Variants in AQR observed in about 807,000 individuals in gnomAD.
AQR encodes aquarius intron-binding spliceosomal factor.
Under a neutral mutation model 180.5 loss-of-function variants are expected in AQR, and 61 were observed. The ratio of observed to expected loss-of-function variants is 0.34; its 90% CI spans 0.28 to 0.42. The LOEUF is 0.42. Among genes scored for constraint, AQR ranks in the 10% least tolerant of loss-of-function variants. The pLI is 1.00. For missense variants in AQR, 1,281 were observed against 1,798.3 expected (o/e 0.71, Z 5.20); for synonymous variants, 551 against 588.8 (o/e 0.94, Z 0.93).
intron 22 of AQR, among the ~76,000 whole-genome samples, chr15:34,896,293 T>C (rs143938360): frequency 2.9e-4 from 44 of 152,332 alleles, no homozygotes; most frequent in African/African-American, 8.9e-4. Context: ...ACACAATGTA[T>C]ACAGTCATCA....
At chr15:34,933,345 T>C (rs1383752277) in intron 10 of AQR, among the ~76,000 whole-genome samples, 1 of 152,188 alleles carries the variant, frequency 6.6e-6, no homozygotes, top group Non-Finnish European at 1.5e-5. Context: ...AGGAACAGAT[T>C]TTCTTTCAAT....
intron 32 of AQR, 180 bp from the exon 33 acceptor site, chr15:34,863,221 TA>T (rs1182673998): frequency 8.4e-5 from 46 of 550,588 alleles, no homozygotes; most frequent in Non-Finnish European, 1.3e-4. Flanking sequence ...AAGTAAAAGT[TA>T]AGGCTTTATT....
intron 19 of AQR, among the ~76,000 whole-genome samples, chr15:34,902,924 C>G (rs1307360979): frequency 6.6e-6 from 1 of 152,038 alleles, no homozygotes; most frequent in Non-Finnish European, 1.5e-5. Flanking sequence ...TCATTGCTTT[C>G]TAATGAAGAA....
intron 32 of AQR, among the ~76,000 whole-genome samples, chr15:34,864,320 C>T (rs1453730240): frequency 6.6e-6 from 1 of 151,944 alleles, no homozygotes. Flanking sequence ...CTTTCCCCAG[C>T]AACAAACAAA....
intron 14 of AQR, 77 bp downstream of exon 14, chr15:34,920,255 A>G (rs1010962166): frequency 3.9e-6 from 4 of 1,021,616 alleles, no homozygotes; most frequent in Non-Finnish European, 5.7e-6. Flanking sequence ...AAAAATCTAT[A>G]TGAACCTACA....
chr15:34,893,892 T>G, intron 22 of AQR, 119 bp from the exon 23 acceptor site: 2 of 755,754 alleles, frequency 2.6e-6, no homozygotes, highest in Non-Finnish European at 4.5e-6. Context: ...ATGGGCCCAA[T>G]AACAGAATGA....
chr15:34,959,792 G>A (rs1406832923), intron 3 of AQR, among the ~76,000 whole-genome samples: 1 of 152,126 alleles, frequency 6.6e-6, no homozygotes, highest in Non-Finnish European at 1.5e-5. Flanking sequence ...ATGACATCTT[G>A]AAGCTGACTA....
At chr15:34,930,991 C>T (rs773969536) in intron 11 of AQR, among the ~76,000 whole-genome samples, 1 of 152,052 alleles carries the variant, frequency 6.6e-6, no homozygotes, top group Non-Finnish European at 1.5e-5. Context: ...CGCCCACCAC[C>T]ATGCCTGGCT....
chr15:34,918,871 G>C (rs908752070), intron 14 of AQR, among the ~76,000 whole-genome samples: 7 of 152,164 alleles, frequency 4.6e-5, no homozygotes, highest in African/African-American at 1.7e-4. Flanking sequence ...TATCACCCTA[G>C]TCTTCTCACT....
intron 17 of AQR, among the ~76,000 whole-genome samples, chr15:34,907,970 T>C (rs1893444210): frequency 6.6e-6 from 1 of 152,138 alleles, no homozygotes; most frequent in African/African-American, 2.4e-5. Flanking sequence ...CTTGCAACCA[T>C]TTGTATCCAC....
intron 13 of AQR, among the ~76,000 whole-genome samples, chr15:34,921,986 A>G (rs893769950): frequency 3.9e-5 from 6 of 152,044 alleles, no homozygotes; most frequent in African/African-American, 1.2e-4. Flanking sequence ...AAATTTTTGT[A>G]TTTTTGGTAG....
At chr15:34,907,341 T>C (rs1411862879) in intron 17 of AQR, among the ~76,000 whole-genome samples, 1 of 152,166 alleles carries the variant, frequency 6.6e-6, no homozygotes, top group Non-Finnish European at 1.5e-5. Flanking sequence ...CTAGACCCAA[T>C]AAAGAACTCA....
intron 32 of AQR, among the ~76,000 whole-genome samples, chr15:34,866,282 T>A (rs1892737179): frequency 1.3e-5 from 2 of 152,160 alleles, no homozygotes; most frequent in South Asian, 4.1e-4. Context: ...ATATCCCTTC[T>A]ATGCACAACC....
In AQR at chr15:34,874,778, G is replaced by T; in HGVS notation, c.3324C>A (p.Ala1108=). The T allele has an allele frequency of 6.2e-7, 1 of 1,613,822 alleles. No individual in the cohort carries two copies. Among genetic ancestry groups the T allele is most frequent in the Non-Finnish European group, 8.5e-7 (1 of 1,179,808 alleles). ...HQLPPVIKNM[A]FQKYSNMEQS... ...GCTCCATGTTTGAGTACTTTTGAAA[G>T]GCCATGTTCTTAATAACTGGAGGTA... Residue 1108 remains alanine, a synonymous_variant, in exon 29 of 35, where the codon GCC becomes GCA. Coordinates refer to ENST00000156471, the MANE Select transcript of AQR (RefSeq NM_014691.3).
intron 1 of AQR, among the ~76,000 whole-genome samples, chr15:34,966,910 C>T (rs1034319167): frequency 1.0e-5 from 1 of 99,912 alleles, no homozygotes; most frequent in Non-Finnish European, 1.8e-5. Context: ...GGAGTTCGCT[C>T]TTGTTGCCCA....
chr15:34,871,201 C>T (rs528941818), intron 30 of AQR, among the ~76,000 whole-genome samples: 1 of 152,160 alleles, frequency 6.6e-6, no homozygotes, highest in Admixed American at 6.6e-5. Flanking sequence ...CCATAACAAT[C>T]ACAATATAGA....
chr15:34,952,818 C>T (rs1894253105), intron 4 of AQR, 67 bp downstream of exon 4: 2 of 1,124,656 alleles, frequency 1.8e-6, no homozygotes, highest in Middle Eastern at 2.0e-4. Flanking sequence ...ACAGAAATAA[C>T]ACAGAAAATT....
At chr15:34,935,788 G>C (rs540035177) in intron 9 of AQR, among the ~76,000 whole-genome samples, 1 of 152,250 alleles carries the variant, frequency 6.6e-6, no homozygotes, top group Admixed American at 6.5e-5. Flanking sequence ...TGGAACCCTG[G>C]TTTTCTGAGA....
intron 9 of AQR, among the ~76,000 whole-genome samples, chr15:34,937,663 T>C (rs1261797135): frequency 6.6e-6 from 1 of 152,016 alleles, no homozygotes; most frequent in Non-Finnish European, 1.5e-5. Flanking sequence ...GCAGGCAGAC[T>C]GCCTGAGGTC....
Sources: gnomAD v4.1 joint callset for allele counts (sites outside exome capture counted in the v4.1 genomes callset) on GRCh38, gnomAD v4.1.1 for gene constraint, MANE v1.5 for transcripts, NCBI Gene and HGNC (gene_info 2026-07-23, HGNC 2026-07-21) for gene names.